Variants in TMEM108 observed in about 807,000 individuals in gnomAD.
TMEM108 encodes transmembrane protein 108.
Under a neutral mutation model 35.1 loss-of-function variants are expected in TMEM108, and 12 were observed. The observed-to-expected ratio is 0.34, with a 90% confidence interval of 0.22 to 0.55. The LOEUF is 0.55. Ranked by LOEUF, TMEM108 falls within the 20% of genes least tolerant of loss-of-function variation. The pLI, the probability that TMEM108 is intolerant of heterozygous loss-of-function variation, is 0.89. For synonymous variants in TMEM108, 287 were observed against 308.6 expected, an observed-to-expected ratio of 0.93 and a Z score of 0.73; for missense variants, 680 against 753.3, an observed-to-expected ratio of 0.90 and a Z score of 1.14.
At chr3:133,235,280 A>G (rs1946217979) in intron 3 of TMEM108, among the ~76,000 whole-genome samples, 1 of 152,088 alleles carries the variant, frequency 6.6e-6, no homozygotes, top group Non-Finnish European at 1.5e-5. Context: ...ACCAAAAAAG[A>G]GCCTGCATCA....
At chr3:133,341,608 T>C (rs1013852518) in intron 3 of TMEM108, among the ~76,000 whole-genome samples, 1 of 151,854 alleles carries the variant, frequency 6.6e-6, no homozygotes, top group Non-Finnish European at 1.5e-5. Context: ...AGAACAAAAC[T>C]GGAAGAATCA....
chr3:133,121,917 T>A (rs1944357677), intron 2 of TMEM108, among the ~76,000 whole-genome samples: 2 of 152,242 alleles, frequency 1.3e-5, no homozygotes, highest in African/African-American at 4.8e-5. Flanking sequence ...CTGAAAAAAA[T>A]ATTATACCAT....
At position 133,045,185 on chromosome 3, in the gene TMEM108, G is replaced by A. The variant is rs868121611; in HGVS notation, c.-165-717G>A. On this transcript the variant is annotated intron_variant, in intron 1 of 5. Transcript: ENST00000321871. The stretch of plus-strand genomic sequence containing the variant: ...GGGTTTCACCATGTTAGCCAGGCTG[G>A]TCTTGATCGCCTGATCTTGTGATCC... Among the ~76,000 whole-genome samples the A allele has an allele frequency of 1.2e-4, 18 of 152,112 alleles. 1 individual carries two copies. The highest frequency in any genetic ancestry group is 8.3e-4 in the South Asian group (4 of 4,820).
intron 3 of TMEM108, among the ~76,000 whole-genome samples, chr3:133,281,690 C>T (rs1469096234): frequency 6.6e-6 from 1 of 152,188 alleles, no homozygotes; most frequent in African/African-American, 2.4e-5. Flanking sequence ...TTCTCCTGGT[C>T]TTGCCTCTGC....
At chr3:133,225,115 T>G (rs536065100) in intron 2 of TMEM108, among the ~76,000 whole-genome samples, 19 of 150,992 alleles carry the variant, frequency 1.3e-4, no homozygotes, top group Admixed American at 2.7e-4. Flanking sequence ...CGTGCAATCT[T>G]GGCTCACTGC....
chr3:133,374,442 T>C (rs2072770936), intron 3 of TMEM108, among the ~76,000 whole-genome samples: 1 of 151,930 alleles, frequency 6.6e-6, no homozygotes, highest in Admixed American at 6.6e-5. Context: ...AAGATAAAAT[T>C]CTATTTTTAT....
intron 2 of TMEM108, among the ~76,000 whole-genome samples, chr3:133,062,488 C>T (rs797006510): frequency 1.6e-4 from 24 of 152,298 alleles, no homozygotes; most frequent in African/African-American, 4.3e-4. Context: ...TGTTCTCTGC[C>T]ACACATTCTC....
chr3:133,373,954 T>G (rs2072756073), intron 3 of TMEM108, among the ~76,000 whole-genome samples: 1 of 152,196 alleles, frequency 6.6e-6, no homozygotes, highest in Non-Finnish European at 1.5e-5. Flanking sequence ...TGCAGGCTCT[T>G]CACTTTCATG....
intron 3 of TMEM108, among the ~76,000 whole-genome samples, chr3:133,343,855 G>C (rs1170276395): frequency 6.6e-6 from 1 of 151,886 alleles, no homozygotes; most frequent in Non-Finnish European, 1.5e-5. Context: ...CTAGATTTGA[G>C]AGTCCAGGGT....
At chr3:133,060,246 T>C (rs1042540754) in intron 2 of TMEM108, among the ~76,000 whole-genome samples, 2 of 152,178 alleles carry the variant, frequency 1.3e-5, no homozygotes, top group Non-Finnish European at 2.9e-5. Context: ...GTTGGGGAGC[T>C]GCCTTGTGGT....
intron 2 of TMEM108, among the ~76,000 whole-genome samples, chr3:133,172,800 G>A (rs1166075967): frequency 6.6e-6 from 1 of 152,154 alleles, no homozygotes; most frequent in Non-Finnish European, 1.5e-5. Context: ...CCCATGTATT[G>A]CAGGAGGGAC....
At chr3:133,389,083 A>G in intron 4 of TMEM108, 1 of 985,424 alleles carries the variant, frequency 1.0e-6, no homozygotes. Context: ...TCCTCACTTC[A>G]TGGCTTCTCC....
intron 1 of TMEM108, among the ~76,000 whole-genome samples, chr3:133,043,452 A>G (rs2107669765): frequency 6.6e-6 from 1 of 152,310 alleles, no homozygotes; most frequent in South Asian, 2.1e-4. Context: ...TTGCTCACTA[A>G]ATGATGCTAA....
At chr3:133,342,662 G>GAAAAAT (rs1390908526) in intron 3 of TMEM108, among the ~76,000 whole-genome samples, 2 of 149,390 alleles carry the variant, frequency 1.3e-5, no homozygotes, top group Non-Finnish European at 3.0e-5. Context: ...GTAAGGCACA[G>GAAAAAT]AAAAATAAAT....
At chr3:133,303,580 G>T (rs1257628697) in intron 3 of TMEM108, among the ~76,000 whole-genome samples, 2 of 152,074 alleles carry the variant, frequency 1.3e-5, no homozygotes, top group African/African-American at 4.8e-5. Context: ...TCTGGTCATT[G>T]TTTATTCATT....
intron 3 of TMEM108, among the ~76,000 whole-genome samples, chr3:133,360,487 T>C (rs1329019693): frequency 6.6e-6 from 1 of 152,202 alleles, no homozygotes; most frequent in Non-Finnish European, 1.5e-5. Flanking sequence ...TGTCACCCTC[T>C]AGGCATCCAT....
At chr3:133,038,667 G>A (rs916938966) in intron 1 of TMEM108, among the ~76,000 whole-genome samples, 2 of 152,184 alleles carry the variant, frequency 1.3e-5, no homozygotes, top group Admixed American at 1.3e-4. Flanking sequence ...TGCCCACCTG[G>A]CAGCCCTGCC....
intron 3 of TMEM108, among the ~76,000 whole-genome samples, chr3:133,354,679 C>T (rs2072108458): frequency 6.6e-6 from 1 of 152,074 alleles, no homozygotes. Flanking sequence ...CCCCATCATG[C>T]ACCCCCTCCC....
At chr3:133,282,501 C>A (rs145747088) in intron 3 of TMEM108, among the ~76,000 whole-genome samples, 25 of 152,284 alleles carry the variant, frequency 1.6e-4, no homozygotes, top group South Asian at 1.2e-3. Context: ...TACATCTTTG[C>A]GTAAACTCTT....
Sources: allele counts gnomAD v4.1 joint callset (sites outside exome capture counted in the v4.1 genomes callset), GRCh38; gene constraint gnomAD v4.1.1; transcripts MANE v1.5; gene names NCBI Gene and HGNC (gene_info 2026-07-23, HGNC 2026-07-21).